Variants in NTM observed in about 807,000 individuals in gnomAD.
The protein encoded by NTM is neurotrimin, also known as IgLON family member 2.
Under a neutral mutation model 42.1 loss-of-function variants are expected in NTM, and 13 were observed. The ratio of observed to expected loss-of-function variants is 0.31; its 90% CI spans 0.20 to 0.49. The LOEUF is 0.49. NTM is among the 20% of genes least tolerant of loss of function. The probability of loss-of-function intolerance (pLI) is 0.99; values close to 1 mark genes in which losing one functional copy is unlikely to be tolerated. For synonymous variants in NTM, 187 were observed against 179.2 expected (o/e 1.04, Z -0.35); for missense variants, 373 against 452.8 (o/e 0.82, Z 1.60).
intron 1 of NTM, among the ~76,000 whole-genome samples, chr11:131,705,283 T>C (rs565761284): frequency 6.6e-6 from 1 of 152,324 alleles, no homozygotes; most frequent in African/African-American, 2.4e-5. Context: ...AGCAGATTTC[T>C]CAGCAGAAAT....
At chr11:131,385,406 G>A (rs576962019) in intron 1 of NTM, 2 of 152,278 alleles carry the variant, frequency 1.3e-5, no homozygotes, top group South Asian at 4.2e-4. Context: ...AAACCACAAC[G>A]AGGTACAACT....
intron 1 of NTM, among the ~76,000 whole-genome samples, chr11:131,894,352 A>C (rs540321324): frequency 6.6e-6 from 1 of 152,214 alleles, no homozygotes; most frequent in Non-Finnish European, 1.5e-5. Flanking sequence ...CTGGATGTGC[A>C]TATGGGATCC....
chr11:131,599,952 C>T (rs1592179612), intron 1 of NTM, among the ~76,000 whole-genome samples: 1 of 152,224 alleles, frequency 6.6e-6, no homozygotes, highest in South Asian at 2.1e-4. Flanking sequence ...AAGGAGTAGA[C>T]AACAATTGTT....
intron 2 of NTM, among the ~76,000 whole-genome samples, chr11:131,995,202 T>C (rs79272229): frequency 0.023 from 3,553 of 152,294 alleles, 135 homozygotes; most frequent in African/African-American, 0.081. Flanking sequence ...TAGCAGGTCA[T>C]GAAACATCTT....
intron 1 of NTM, among the ~76,000 whole-genome samples, chr11:131,810,435 C>T (rs138061555): frequency 2.4e-3 from 359 of 152,284 alleles, no homozygotes; most frequent in Non-Finnish European, 4.2e-3. Context: ...GATGGGTCTG[C>T]ACCCCCCAAT....
At chr11:132,299,023 C>A (rs562283197) in intron 4 of NTM, among the ~76,000 whole-genome samples, 1 of 152,092 alleles carries the variant, frequency 6.6e-6, no homozygotes, top group East Asian at 1.9e-4. Flanking sequence ...TGGCCAGGTG[C>A]GGTGGCTCAC....
intron 1 of NTM, among the ~76,000 whole-genome samples, chr11:131,508,225 G>T (rs1315954692): frequency 1.4e-5 from 2 of 144,816 alleles, no homozygotes; most frequent in South Asian, 2.3e-4. Flanking sequence ...GTGGGCGAAG[G>T]ACATGAACAG....
intron 1 of NTM, among the ~76,000 whole-genome samples, chr11:131,699,320 C>G (rs185053443): frequency 6.6e-6 from 1 of 152,056 alleles, no homozygotes; most frequent in South Asian, 2.1e-4. Flanking sequence ...TGTGCCAGGT[C>G]CTAGGACTGT....
At chr11:131,492,167 C>T (rs1954871064) in intron 1 of NTM, among the ~76,000 whole-genome samples, 2 of 152,198 alleles carry the variant, frequency 1.3e-5, no homozygotes, top group Admixed American at 6.5e-5. Flanking sequence ...TAGCACTGTG[C>T]AGTTTATCAA....
chr11:131,776,363 A>G (rs1215870020), intron 1 of NTM, among the ~76,000 whole-genome samples: 4 of 152,210 alleles, frequency 2.6e-5, no homozygotes, highest in African/African-American at 7.2e-5. Context: ...CTTGCCAAAC[A>G]CAGTGAGGGA....
chr11:132,067,213 T>C (rs1476406363), intron 2 of NTM, among the ~76,000 whole-genome samples: 3 of 152,218 alleles, frequency 2.0e-5, no homozygotes, highest in Non-Finnish European at 2.9e-5. Flanking sequence ...GTTCCCAAAG[T>C]GCTGGGATGA....
intron 2 of NTM, among the ~76,000 whole-genome samples, chr11:132,104,982 TA>T (rs2062158263): frequency 1.2e-4 from 14 of 117,684 alleles, no homozygotes; most frequent in Admixed American, 8.5e-4. Flanking sequence ...TATATATATA[TA>T]TATATATATT....
At chr11:132,331,318 A>G (rs1352816965) in intron 8 of NTM, among the ~76,000 whole-genome samples, 1 of 152,216 alleles carries the variant, frequency 6.6e-6, no homozygotes, top group East Asian at 1.9e-4. Context: ...CAAGCGCTCT[A>G]TCTGAAATCC....
intron 1 of NTM, among the ~76,000 whole-genome samples, chr11:131,373,365 T>A (rs1022907240): frequency 6.6e-6 from 1 of 152,154 alleles, no homozygotes; most frequent in Non-Finnish European, 1.5e-5. Context: ...GAGCTGCTGC[T>A]TCCTGTGCCT....
At chr11:131,939,539 C>T (rs2059577632) in intron 2 of NTM, among the ~76,000 whole-genome samples, 1 of 152,058 alleles carries the variant, frequency 6.6e-6, no homozygotes, top group African/African-American at 2.4e-5. Flanking sequence ...GAGAAAGTTC[C>T]ATCTCATCTG....
At chr11:131,577,874 G>T (rs117266125) in intron 1 of NTM, among the ~76,000 whole-genome samples, 1 of 152,204 alleles carries the variant, frequency 6.6e-6, no homozygotes, top group African/African-American at 2.4e-5. Flanking sequence ...GGGAAATGTA[G>T]TGAATTGGTA....
intron 1 of NTM, among the ~76,000 whole-genome samples, chr11:131,465,445 G>A (rs1216548441): frequency 6.6e-6 from 1 of 152,138 alleles, no homozygotes; most frequent in Admixed American, 6.5e-5. Context: ...GGTGAAGGCA[G>A]GAGGCTCCAT....
chr11:131,571,824 G>A (rs2057466506), intron 1 of NTM, among the ~76,000 whole-genome samples: 1 of 152,186 alleles, frequency 6.6e-6, no homozygotes, highest in Admixed American at 6.5e-5. Context: ...TTCAGAACTA[G>A]GTCACAAGTG....
intron 4 of NTM, among the ~76,000 whole-genome samples, chr11:132,227,032 A>G (rs112820489): frequency 2.6e-5 from 4 of 152,318 alleles, no homozygotes; most frequent in African/African-American, 9.6e-5. Flanking sequence ...AGCTAGAAAA[A>G]TGCATATGGG....
Sources: allele counts gnomAD v4.1 joint callset (sites outside exome capture counted in the v4.1 genomes callset), GRCh38; gene constraint gnomAD v4.1.1; transcripts MANE v1.5; gene names NCBI Gene and HGNC (gene_info 2026-07-23, HGNC 2026-07-21).